Variants in BNC2 observed in about 807,000 individuals in gnomAD.
The protein encoded by BNC2 is zinc finger protein basonuclin-2.
A neutral mutation model predicts 76.3 loss-of-function variants in BNC2; 20 were observed. That is an observed-to-expected ratio of 0.26 (90% CI 0.18 to 0.38). BNC2 has a LOEUF of 0.38. Ranked by LOEUF, BNC2 falls within the 10% of genes least tolerant of loss-of-function variation. BNC2 has a pLI of 1.00. For missense variants in BNC2, 1,382 were observed against 1,399.8 expected, an observed-to-expected ratio of 0.99 and a Z score of 0.20; for synonymous variants, 582 against 514.8, an observed-to-expected ratio of 1.13 and a Z score of -1.77.
chr9:16,446,095 A>C (rs1821225490), intron 5 of BNC2, among the ~76,000 whole-genome samples: 1 of 152,178 alleles, frequency 6.6e-6, no homozygotes, highest in Non-Finnish European at 1.5e-5. Context: ...CTGACTGCAT[A>C]TAAAGATTGA....
At chr9:16,842,061 C>T (rs1467415225) in intron 1 of BNC2, among the ~76,000 whole-genome samples, 4 of 152,164 alleles carry the variant, frequency 2.6e-5, no homozygotes, top group Non-Finnish European at 4.4e-5. Context: ...CCACCTGCCT[C>T]GGCCTCCCAA....
At chr9:16,830,742 G>C (rs1486910675) in intron 1 of BNC2, among the ~76,000 whole-genome samples, 1 of 152,022 alleles carries the variant, frequency 6.6e-6, no homozygotes. Context: ...GATCACCAAA[G>C]GGAAACAGAA....
chr9:16,752,833 T>C (rs1414773518), intron 1 of BNC2, among the ~76,000 whole-genome samples: 2 of 152,192 alleles, frequency 1.3e-5, no homozygotes, highest in Admixed American at 6.5e-5. Context: ...TTCCACATGG[T>C]TATTAGCCAG....
At chr9:16,629,396 T>G (rs1821095436) in intron 3 of BNC2, among the ~76,000 whole-genome samples, 1 of 152,220 alleles carries the variant, frequency 6.6e-6, no homozygotes, top group African/African-American at 2.4e-5. Context: ...GAGAAGATCT[T>G]GGCCTCTGTG....
At chr9:16,825,044 C>T (rs73649039) in intron 1 of BNC2, among the ~76,000 whole-genome samples, 3,990 of 148,960 alleles carry the variant, frequency 0.027, 175 homozygotes, top group African/African-American at 0.093. Flanking sequence ...TCTTACCCCT[C>T]TTTTTTTTTT....
chr9:16,602,870 C>T (rs992409599), intron 3 of BNC2, among the ~76,000 whole-genome samples: 1 of 152,136 alleles, frequency 6.6e-6, no homozygotes. Flanking sequence ...TGCTGCCAAA[C>T]CCTCATTTCA....
intron 5 of BNC2, among the ~76,000 whole-genome samples, chr9:16,462,471 T>C (rs538562004): frequency 1.3e-5 from 2 of 151,980 alleles, no homozygotes; most frequent in South Asian, 2.1e-4. Flanking sequence ...CAAAACCAAA[T>C]CTTGTAACTC....
chr9:16,732,737 C>T (rs7036453), intron 2 of BNC2, among the ~76,000 whole-genome samples: 29,606 of 152,076 alleles, frequency 0.19, 5,778 homozygotes, highest in African/African-American at 0.48. Context: ...ATGTGACACA[C>T]GCTGGTATTC....
At chr9:16,453,308 T>C (rs1160524073) in intron 5 of BNC2, among the ~76,000 whole-genome samples, 1 of 152,152 alleles carries the variant, frequency 6.6e-6, no homozygotes, top group Non-Finnish European at 1.5e-5. Context: ...AAGCCATGAT[T>C]CAAAGAAGCA....
At chr9:16,617,527 G>T in intron 3 of BNC2, among the ~76,000 whole-genome samples, 1 of 138,046 alleles carries the variant, frequency 7.2e-6, no homozygotes, top group African/African-American at 2.7e-5. Flanking sequence ...ACAGATGGAG[G>T]AAAAAAAAAA....
At chr9:16,424,555 T>C (rs1009418814) in intron 6 of BNC2, among the ~76,000 whole-genome samples, 1 of 152,172 alleles carries the variant, frequency 6.6e-6, no homozygotes, top group African/African-American at 2.4e-5. Context: ...TTGTACAGAA[T>C]GATCATAACA....
intron 3 of BNC2, among the ~76,000 whole-genome samples, chr9:16,606,352 T>A (rs945862977): frequency 1.3e-5 from 2 of 150,798 alleles, no homozygotes; most frequent in African/African-American, 4.8e-5. Context: ...GGCATTCAAT[T>A]TTATTTATTA....
intron 2 of BNC2, among the ~76,000 whole-genome samples, chr9:16,737,969 C>G (rs1371815819): frequency 6.6e-6 from 1 of 151,850 alleles, no homozygotes; most frequent in Non-Finnish European, 1.5e-5. Context: ...GTATGTTAAA[C>G]TTCAGTTTTA....
At chr9:16,825,039 C>T (rs1213963931) in intron 1 of BNC2, among the ~76,000 whole-genome samples, 1 of 78,106 alleles carries the variant, frequency 1.3e-5, no homozygotes, top group Non-Finnish European at 3.1e-5. Context: ...TTTTTTCTTA[C>T]CCCTCTTTTT....
intron 1 of BNC2, among the ~76,000 whole-genome samples, chr9:16,830,948 G>C (rs1818564533): frequency 6.6e-6 from 1 of 152,182 alleles, no homozygotes. Context: ...CTAGAAATTG[G>C]ATTCCACTGG....
chr9:16,863,691 T>A (rs1399055105), intron 1 of BNC2, among the ~76,000 whole-genome samples: 1 of 152,024 alleles, frequency 6.6e-6, no homozygotes, highest in Non-Finnish European at 1.5e-5. Context: ...CGAGATTCCG[T>A]TTCAAAAAAA....
chr9:16,519,505 A>C (rs1385915310), intron 5 of BNC2, among the ~76,000 whole-genome samples: 1 of 152,126 alleles, frequency 6.6e-6, no homozygotes, highest in Non-Finnish European at 1.5e-5. Context: ...TGTAGTGGCG[A>C]ATGAGCCCTA....
intron 2 of BNC2, among the ~76,000 whole-genome samples, chr9:16,735,205 A>G (rs556955875): frequency 1.3e-5 from 2 of 152,332 alleles, no homozygotes; most frequent in East Asian, 3.9e-4. Flanking sequence ...TGAGGTCAGC[A>G]TGAATCTTGT....
chr9:16,646,768 G>T (rs1358322329), intron 3 of BNC2, among the ~76,000 whole-genome samples: 1 of 152,034 alleles, frequency 6.6e-6, no homozygotes, highest in Admixed American at 6.6e-5. Flanking sequence ...GAAATTCGGG[G>T]TTAAATTAAA....
Sources: allele counts gnomAD v4.1 joint callset (sites outside exome capture counted in the v4.1 genomes callset), GRCh38; gene constraint gnomAD v4.1.1; transcripts MANE v1.5; gene names NCBI Gene and HGNC (gene_info 2026-07-23, HGNC 2026-07-21).